The following PRMT2 variants were observed in gnomAD, a reference collection of about 807,000 sequenced individuals.
PRMT2 encodes protein arginine methyltransferase 2.
In PRMT2, 26 loss-of-function variants were observed where a neutral mutation model predicts 57.6. The ratio of observed to expected loss-of-function variants is 0.45; its 90% CI spans 0.33 to 0.63. The LOEUF is 0.63. PRMT2 is among the 20% of genes least tolerant of loss of function. PRMT2 has a pLI of 0.02. For missense variants in PRMT2, 472 were observed against 564.4 expected (o/e 0.84, Z 1.66); for synonymous variants, 219 against 220.0 (o/e 1.00, Z 0.04).
chr21:46,662,534 T>A (rs953878104), intron 10 of PRMT2, among the ~76,000 whole-genome samples: 1 of 151,866 alleles, frequency 6.6e-6, no homozygotes, highest in African/African-American at 2.4e-5. Context: ...ATCACAAGAG[T>A]CCTGTGGTGG....
chr21:46,648,249 A>G lies in PRMT2; in HGVS notation c.328-209A>G. On this transcript the variant is annotated intron_variant, in intron 5 of 11. Transcript: ENST00000355680. The surrounding 1 kb of genome is among the most constrained non-coding windows in gnomAD (Gnocchi z 4.8). ...ATTTGTTCCTAGGTATTTTTTGTGTATTATTACTGTTATAAGGGGGTGGGT... is the reference window on the plus strand; with the variant it reads ...ATTTGTTCCTAGGTATTTTTTGTGTGTTATTACTGTTATAAGGGGGTGGGT... 2.0e-6 allele frequency: 1 copy of G among 511,750 alleles called. No individual in the cohort carries two copies. The highest frequency in any genetic ancestry group is 3.5e-6 in the Non-Finnish European group (1 of 285,594). The allele number at this position is 511,750 out of a possible 1,614,324, so 31.7% of individuals were successfully genotyped here.
intron 9 of PRMT2, 33 bp downstream of exon 9, chr21:46,660,995 A>G: frequency 6.3e-7 from 1 of 1,598,944 alleles, no homozygotes; most frequent in Non-Finnish European, 8.5e-7. Flanking sequence ...CTTACATTCG[A>G]TAATCAGTGA....
At chr21:46,657,231 CAGGT>C (rs1300030430) in intron 7 of PRMT2, 3 of 152,174 alleles carry the variant, frequency 2.0e-5, no homozygotes, top group African/African-American at 7.2e-5. Context: ...ACTGTGGAAA[CAGGT>C]GGGTGCTTTC....
chr21:46,642,215 G>T (rs1342382700), intron 3 of PRMT2, among the ~76,000 whole-genome samples: 1 of 152,112 alleles, frequency 6.6e-6, no homozygotes, highest in African/African-American at 2.4e-5. Flanking sequence ...GAAGATTAAG[G>T]TACATACAGA....
At chr21:46,645,901 A>AG (rs2061358013) in intron 5 of PRMT2, among the ~76,000 whole-genome samples, 2 of 151,832 alleles carry the variant, frequency 1.3e-5, no homozygotes, top group Admixed American at 6.6e-5. Context: ...ATTTTTAATG[A>AG]GGGGGTTTTG....
intron 9 of PRMT2, 92 bp from the exon 10 acceptor site, chr21:46,661,708 G>A (rs954784633): frequency 4.2e-5 from 51 of 1,211,550 alleles, no homozygotes; most frequent in Non-Finnish European, 4.8e-5. Context: ...CGCATTCAGC[G>A]TCTGCGCGGG....
chr21:46,651,734 A>T, intron 7 of PRMT2: 1 of 1,550,588 alleles, frequency 6.4e-7, no homozygotes, highest in Non-Finnish European at 8.8e-7. Context: ...GGTTGGTCGG[A>T]TTTGAGGGAG....
At chr21:46,657,042 TACAC>T (rs1331896972) in intron 7 of PRMT2, 1 of 151,974 alleles carries the variant, frequency 6.6e-6, no homozygotes, top group Non-Finnish European at 1.5e-5. Context: ...AGATATCAAA[TACAC>T]ACATGAAAAG....
chr21:46,643,475 C>A (rs868010538), intron 3 of PRMT2, 60 bp from the exon 4 acceptor site: 121 of 1,232,884 alleles, frequency 9.8e-5, no homozygotes, highest in African/African-American at 8.0e-4. Flanking sequence ...ATAATATAGC[C>A]AAAAAAAAAA....
intron 8 of PRMT2, chr21:46,659,912 C>T (rs906003630): frequency 1.0e-6 from 1 of 985,234 alleles, no homozygotes; most frequent in Non-Finnish European, 1.2e-6. Context: ...TAAAGCTTGG[C>T]AGAATAAACC....
chr21:46,662,455 G>T (rs181579587), intron 10 of PRMT2, among the ~76,000 whole-genome samples: 41 of 152,316 alleles, frequency 2.7e-4, no homozygotes, highest in Admixed American at 2.6e-3. Flanking sequence ...GTGGCCCCGC[G>T]AGGGGACCCC....
At chr21:46,661,563 C>T in intron 9 of PRMT2, 1 of 197,554 alleles carries the variant, frequency 5.1e-6, no homozygotes, top group Non-Finnish European at 7.8e-6. Flanking sequence ...CGAAAAGATT[C>T]CGCAGAATCT....
At chr21:46,636,630 G>A (rs991269439) in intron 2 of PRMT2, 83 bp downstream of exon 2, 22 of 325,822 alleles carry the variant, frequency 6.8e-5, no homozygotes, top group Non-Finnish European at 3.9e-5. Context: ...GTCGACACCT[G>A]ATCTAACAGA....
chr21:46,643,462 CTAA>C (rs1601921417), intron 3 of PRMT2, 70 bp from the exon 4 acceptor site: 1 of 1,381,416 alleles, frequency 7.2e-7, no homozygotes, highest in Non-Finnish European at 9.4e-7. Flanking sequence ...TGAAACCATC[CTAA>C]TAATATAGCC....
chr21:46,644,617 T>C (rs2061333569), intron 5 of PRMT2, 129 bp downstream of exon 5: 2 of 882,458 alleles, frequency 2.3e-6, no homozygotes, highest in Admixed American at 3.5e-5. Context: ...GCCACTCAGC[T>C]CTGACATGGT....
Position 46,664,872 on chromosome 21 carries a change from T to C in PRMT2, c.*545T>C. On this transcript the variant is annotated 3_prime_UTR_variant, in exon 12 of 12. Transcript: ENST00000355680. ...TGGGACTCTGCATGGGATAGTACAG[T>C]TGTGTAGACGTCTTCCAAATAAATT... 1 of 157,152 alleles carries C rather than the reference T, an allele frequency of 6.4e-6. No homozygotes were observed. The highest frequency in any genetic ancestry group is 1.4e-5 in the Non-Finnish European group (1 of 70,864). The allele number at this position is 157,152 out of a possible 1,614,324, so 9.7% of individuals were successfully genotyped here.
Position 46,648,642 on chromosome 21 carries a change from C to T in PRMT2, c.489+23C>T, listed in dbSNP as rs2061401662. The T allele has an allele frequency of 6.2e-7, 1 of 1,605,754 alleles. No homozygotes were observed. On this transcript the variant is annotated intron_variant, in intron 6 of 11. Transcript: ENST00000355680. This position sits in a 1 kb window ranked among gnomAD's most constrained non-coding sequence, Gnocchi z 4.8. ...GCGGTGAGTGGGGTCTCGAGCGCAT[C>T]CCGGGTGTTTGTGCCGAGGCTGGTG...
chr21:46,653,662 G>C, intron 7 of PRMT2: 1 of 1,248,170 alleles, frequency 8.0e-7, no homozygotes, highest in East Asian at 5.6e-5. Context: ...GCATTCCCTG[G>C]AGCTCATGTA....
chr21:46,661,795 C>T lies in PRMT2; in HGVS notation c.961-5C>T, dbSNP rs370903119. ...CACGCGTGCCTTGTCATCTGCTTGA[C>T]CCAGACCCTGAGGGGCGAGCTGCGC... On this transcript the variant is annotated splice_region_variant and splice_polypyrimidine_tract_variant and intron_variant, in intron 9 of 11. Coordinates refer to ENST00000355680, the MANE Select transcript of PRMT2 (RefSeq NM_206962.4). 5.0e-6 allele frequency: 7 copies of T among 1,410,838 alleles called. No individual in the cohort carries two copies. The African/African-American group carries it at 5.9e-5, about 12-fold the overall frequency. 87.4% of individuals were successfully genotyped at this position (1,410,838 alleles called of 1,614,324 possible).
Sources: allele counts gnomAD v4.1 joint callset (sites outside exome capture counted in the v4.1 genomes callset), GRCh38; gene constraint gnomAD v4.1.1; non-coding constraint Gnocchi (gnomAD v3.1); transcripts MANE v1.5; gene names NCBI Gene and HGNC (gene_info 2026-07-23, HGNC 2026-07-21).